ZNRD2: variants seen among roughly 807,000 people sequenced by gnomAD.
ZNRD2 encodes protein ZNRD2.
In ZNRD2, 16 loss-of-function variants were observed where a neutral mutation model predicts 22.0. That is an observed-to-expected ratio of 0.73 (90% CI 0.49 to 1.11). The LOEUF (loss-of-function observed/expected upper bound fraction) is 1.11. Ranked by LOEUF, ZNRD2 falls within the 50% of genes least tolerant of loss-of-function variation. The pLI, the probability that ZNRD2 is intolerant of heterozygous loss-of-function variation, is 0.00. For missense variants in ZNRD2, 269 were observed against 258.9 expected (o/e 1.04, Z -0.27); for synonymous variants, 105 against 109.8 (o/e 0.96, Z 0.27).
In ZNRD2 at chr11:65,571,767, C is replaced by G; in HGVS notation, c.*33C>G. The G allele has an allele frequency of 6.5e-7, 1 of 1,535,648 alleles. No homozygotes were observed. The highest frequency in any genetic ancestry group is 8.8e-7 in the Non-Finnish European group (1 of 1,140,514). On this transcript the variant is annotated 3_prime_UTR_variant, in exon 4 of 4. Transcript: ENST00000309328. ...CCCTGAGAAAAACCCTCTAGAAAAA[C>G]AGCTGTTCCTCTGTGTGGTTTGTTT...
At position 65,571,526 on chromosome 11, in the gene ZNRD2, G is replaced by C. The variant is rs1857126704; in HGVS notation, c.392G>C (p.Gly131Ala). The C allele has an allele frequency of 6.2e-7, 1 of 1,613,796 alleles. No homozygotes were observed. Among genetic ancestry groups the C allele is most frequent in the Non-Finnish European group, 8.5e-7 (1 of 1,180,020 alleles). The change falls in exon 4 of 4, where the codon GGA (glycine) becomes GCA (alanine). Residue 131 changes from glycine (G) to alanine (A), a missense_variant. Physicochemically the swap from Gly to Ala is moderately conservative, Grantham distance 60. Coordinates refer to ENST00000309328, the MANE Select transcript of ZNRD2 (RefSeq NM_006396.3). ...RPEHCEGAAA[G>A]LKAAQGPPAP... ...GAGCACTGTGAGGGAGCTGCAGCAG[G>C]ACTCAAGGCAGCCCAGGGGCCACCT...
In ZNRD2 at chr11:65,570,505, G is replaced by A. The variant is rs766371095; in HGVS notation, c.14G>A (p.Gly5Glu). 3.7e-6 allele frequency: 6 copies of A among 1,613,748 alleles called. No homozygotes were observed. The East Asian group carries it at 1.3e-4, about 36-fold the overall frequency. Residue 5 changes from glycine (G) to glutamate (E), a missense_variant, in exon 1 of 4, where the codon GGA becomes GAA. By Grantham distance (98) the Gly-to-Glu change is moderately conservative. Coordinates refer to ENST00000309328, the MANE Select transcript of ZNRD2 (RefSeq NM_006396.3). ...GACAACGGCAACATGGCCCTGAACG[G>A]AGCTGGTGAGGACCTGGGCGGCAGG... MALN[G>E]AEVDDFSWEP...
In ZNRD2 at chr11:65,570,684, A is replaced by C; in HGVS notation, c.100A>C (p.Ile34Leu). The C allele has an allele frequency of 6.2e-7, 1 of 1,613,848 alleles. No individual in the cohort carries two copies. The highest frequency in any genetic ancestry group is 8.5e-7 in the Non-Finnish European group (1 of 1,179,968). Residue 34 changes from isoleucine (I) to leucine (L), a missense_variant, in exon 2 of 4, where the codon ATC becomes CTC. Physicochemically the swap from Ile to Leu is conservative, Grantham distance 5. Transcript: ENST00000309328. Reference sequence around the variant, plus strand: ...GGCGCGACGGGAGCGGCAAGATCGCATCTCCCGGCTCATGGGCGACTATCT... The same window carrying C: ...GGCGCGACGGGAGCGGCAAGATCGCCTCTCCCGGCTCATGGGCGACTATCT... ...LQARRERQDR[I>L]SRLMGDYLLR...
Position 65,571,470 on chromosome 11 carries a change from A to C in ZNRD2, c.336A>C (p.Arg112=). The change falls in exon 4 of 4, where the codon CGA becomes CGC. Residue 112 remains arginine (R), a synonymous_variant. Transcript: ENST00000309328. ...ASASELPLGS[R]PAPQPPVPRP... is the part of the protein sequence containing the mutation. ...CCTCAGAGCTCCCCCTGGGCTCTCG[A>C]CCTGCGCCCCAGCCCCCAGTACCTC... is the stretch of plus-strand genomic sequence containing the variant. 1 of 1,613,638 alleles carries C rather than the reference A, an allele frequency of 6.2e-7. No individual in the cohort carries two copies. The highest frequency in any genetic ancestry group is 8.5e-7 in the Non-Finnish European group (1 of 1,179,990).
rs370247403 is a variant in ZNRD2 at position 65,570,704 on chromosome 11, C to G, written c.120C>G (p.Asp40Glu). Residue 40 changes from aspartate to glutamate, a missense_variant, in exon 2 of 4, where the codon GAC becomes GAG. Coordinates refer to ENST00000309328, the MANE Select transcript of ZNRD2 (RefSeq NM_006396.3). ...ATCGCATCTCCCGGCTCATGGGCGA[C>G]TATCTGCTGCGCGGTTACCGCATGC... is the stretch of plus-strand genomic sequence containing the variant. ...RQDRISRLMG[D>E]YLLRGYRMLG... 4 of 1,613,912 alleles carry G rather than the reference C, an allele frequency of 2.5e-6. No homozygotes were observed. In the South Asian group the frequency reaches 4.4e-5, roughly 18 times the overall value.
intron 3 of ZNRD2, 87 bp from the exon 4 acceptor site, chr11:65,571,304 A>AG: frequency 6.8e-7 from 1 of 1,480,530 alleles, no homozygotes; most frequent in South Asian, 1.4e-5. Context: ...CCTCAAGCAC[A>AG]GAAAGAGCAG....
chr11:65,571,023 C>A, intron 3 of ZNRD2, 53 bp downstream of exon 3: 1 of 1,551,830 alleles, frequency 6.4e-7, no homozygotes, highest in Non-Finnish European at 8.9e-7. Context: ...AGGGGGGAAG[C>A]GTGGTTAAGT....
intron 3 of ZNRD2, 132 bp downstream of exon 3, chr11:65,571,102 A>G: frequency 1.1e-6 from 1 of 905,796 alleles, no homozygotes; most frequent in Non-Finnish European, 1.7e-6. Flanking sequence ...GTAGAAGTAA[A>G]ATTATTTCTC....
intron 1 of ZNRD2, 21 bp from the exon 2 acceptor site, chr11:65,570,583 C>T (rs759533439): frequency 6.2e-7 from 1 of 1,613,960 alleles, no homozygotes; most frequent in Non-Finnish European, 8.5e-7. Context: ...GACCCCCAGT[C>T]CCTATGCCTC....
chr11:65,571,283 C>T (rs954412443), intron 3 of ZNRD2, 108 bp from the exon 4 acceptor site: 1 of 1,385,482 alleles, frequency 7.2e-7, no homozygotes, highest in African/African-American at 1.5e-5. Context: ...TATAGAGGGA[C>T]AGGGAAAACA....
Position 65,570,753 on chromosome 11 carries a change from G to A in ZNRD2, c.169G>A (p.Gly57Arg). 1 of 1,613,610 alleles carries A rather than the reference G, an allele frequency of 6.2e-7. No homozygotes were observed. Among genetic ancestry groups the A allele is most frequent in the Non-Finnish European group, 8.5e-7 (1 of 1,179,796 alleles). ...GCTGGGCGAGACGTGTGCGGACTGC[G>A]GGGTGAGGCGAGACTCGGGCGAGTG... The part of the protein sequence containing the change: ...RMLGETCADC[G>R]TILLQDKQRK... The change falls in exon 2 of 4, where the codon GGG becomes AGG. Residue 57 changes from glycine (G) to arginine (R), a missense_variant and splice_region_variant. Gly to Arg is a moderately radical substitution (Grantham distance 125). Transcript: ENST00000309328.
rs1451486257 is a variant in ZNRD2 at position 65,570,983 on chromosome 11, A to C, written c.256+13A>C. Reference sequence around the variant, plus strand: ...AAAGATAATCCCGGTAAGAGTAAAAAATAATCCGGGAGAGGGGCCGGATAT... The same window carrying C: ...AAAGATAATCCCGGTAAGAGTAAAACATAATCCGGGAGAGGGGCCGGATAT... On this transcript the variant is annotated intron_variant, in intron 3 of 3. Transcript: ENST00000309328. 4 of 1,613,048 alleles carry C rather than the reference A, an allele frequency of 2.5e-6. No homozygotes were observed. The Admixed American group carries it at 5.0e-5, about 20-fold the overall frequency.
intron 3 of ZNRD2, 77 bp from the exon 4 acceptor site, chr11:65,571,314 G>C: frequency 3.3e-6 from 5 of 1,498,178 alleles, no homozygotes; most frequent in Non-Finnish European, 4.4e-6. Flanking sequence ...AGAAAGAGCA[G>C]AGCAGAAAAG....
rs1315196236 is a variant in ZNRD2, at chr11:65,571,424, G to A, written c.290G>A (p.Arg97Gln). Residue 97 changes from arginine to glutamine, a missense_variant, in exon 4 of 4, where the codon CGG becomes CAG. By Grantham distance (43) the Arg-to-Gln change is conservative (BLOSUM62 1). Coordinates refer to ENST00000309328, the MANE Select transcript of ZNRD2 (RefSeq NM_006396.3). ...LNAQAALSQAREHQLASASEL... is the reference protein window; with the variant it reads ...LNAQAALSQAQEHQLASASEL... ...GCCCAGGCTGCCCTCTCCCAAGCTCGGGAGCACCAGCTGGCCTCAGCCTCA... is the reference window on the plus strand; with the variant it reads ...GCCCAGGCTGCCCTCTCCCAAGCTCAGGAGCACCAGCTGGCCTCAGCCTCA... 1 of 1,608,332 alleles carries A rather than the reference G, an allele frequency of 6.2e-7. No individual in the cohort carries two copies. The highest frequency in any genetic ancestry group is 1.7e-5 in the Admixed American group (1 of 59,658).
At chr11:65,571,300 G>A in intron 3 of ZNRD2, 91 bp from the exon 4 acceptor site, 1 of 1,468,476 alleles carries the variant, frequency 6.8e-7, no homozygotes, top group Non-Finnish European at 9.0e-7. Context: ...AACACCTCAA[G>A]CACAGAAAGA....
At position 65,570,918 on chromosome 11, in the gene ZNRD2, C is replaced by T; in HGVS notation, c.204C>T (p.Ile68=). The part of the protein sequence containing the change: ...TILLQDKQRK[I]YCVACQELDS... The stretch of plus-strand genomic sequence containing the variant: ...TCCTCCAAGACAAACAGCGGAAAAT[C>T]TACTGCGTGGCTTGTCAGGAACTCG... The change falls in exon 3 of 4, where the codon ATC becomes ATT. Residue 68 remains isoleucine, a synonymous_variant. Coordinates refer to ENST00000309328, the MANE Select transcript of ZNRD2 (RefSeq NM_006396.3). 6.2e-7 allele frequency: 1 copy of T among 1,614,150 alleles called. No individual in the cohort carries two copies. Among genetic ancestry groups the T allele is most frequent in the Non-Finnish European group, 8.5e-7 (1 of 1,180,020 alleles).
chr11:65,570,889 A>C lies in ZNRD2; in HGVS notation c.175A>C (p.Ile59Leu). The stretch of plus-strand genomic sequence containing the variant: ...CCGTGTGCTTTTTGGTCCGTAGACG[A>C]TCCTCCTCCAAGACAAACAGCGGAA... ...LGETCADCGT[I>L]LLQDKQRKIY... The change falls in exon 3 of 4, where the codon ATC becomes CTC. Residue 59 changes from isoleucine to leucine, a missense_variant. Transcript: ENST00000309328. 6.2e-7 allele frequency: 1 copy of C among 1,614,098 alleles called. No individual in the cohort carries two copies. The highest frequency in any genetic ancestry group is 8.5e-7 in the Non-Finnish European group (1 of 1,180,012).
rs1194104 is a variant in ZNRD2, at chr11:65,571,875, C to T, written c.*141C>T. On this transcript the variant is annotated 3_prime_UTR_variant, in exon 4 of 4. Coordinates refer to ENST00000309328, the MANE Select transcript of ZNRD2 (RefSeq NM_006396.3). ...TTGGCCTCTTCACCTCTCCACTCTG[C>T]TCTCCTTGACGCCCTGAGATGAGTT... 0.27 allele frequency: 337,540 copies of T among 1,240,754 alleles called. 47,776 individuals are homozygous for T. Among genetic ancestry groups the T allele is most frequent in the African/African-American group, 0.45 (29,426 of 65,856 alleles). The allele number at this position is 1,240,754 out of a possible 1,614,324, so 76.9% of individuals were successfully genotyped here.
chr11:65,571,495 C>T lies in ZNRD2; in HGVS notation c.361C>T (p.Arg121Cys), dbSNP rs1565111062. Residue 121 changes from arginine (R) to cysteine (C), a missense_variant, in exon 4 of 4, where the codon CGT becomes TGT. Physicochemically the swap from Arg to Cys is radical, Grantham distance 180 (BLOSUM62 -3). Transcript: ENST00000309328. Reference protein sequence around the residue: ...SRPAPQPPVPRPEHCEGAAAG... With the variant: ...SRPAPQPPVPCPEHCEGAAAG... Reference sequence around the variant, plus strand: ...ACCTGCGCCCCAGCCCCCAGTACCTCGTCCGGAGCACTGTGAGGGAGCTGC... The same window carrying T: ...ACCTGCGCCCCAGCCCCCAGTACCTTGTCCGGAGCACTGTGAGGGAGCTGC... The T allele has an allele frequency of 1.9e-6, 3 of 1,613,838 alleles. No individual in the cohort carries two copies. The highest frequency in any genetic ancestry group is 2.5e-6 in the Non-Finnish European group (3 of 1,180,036).
Sources: gnomAD v4.1 joint callset for allele counts on GRCh38, gnomAD v4.1.1 for gene constraint, MANE v1.5 for transcripts, NCBI Gene and HGNC (gene_info 2026-07-23, HGNC 2026-07-21) for gene names.